The following ZFPM1 variants were observed in gnomAD, a reference collection of about 807,000 sequenced individuals.
The protein encoded by ZFPM1 is zinc finger protein ZFPM1.
In ZFPM1, 28 loss-of-function variants were observed where a neutral mutation model predicts 46.3. The ratio of observed to expected loss-of-function variants is 0.60; its 90% CI spans 0.45 to 0.83. ZFPM1 has a LOEUF of 0.83. Among genes scored for constraint, ZFPM1 ranks in the 40% least tolerant of loss-of-function variants. The probability of loss-of-function intolerance (pLI) is 0.00; values close to 1 mark genes in which losing one functional copy is unlikely to be tolerated. For missense variants in ZFPM1, 1,878 were observed against 1,432.4 expected, an observed-to-expected ratio of 1.31 and a Z score of -5.02; for synonymous variants, 957 against 675.9, an observed-to-expected ratio of 1.42 and a Z score of -6.45.
chr16:88,479,478 A>C (rs1908829920), intron 1 of ZFPM1, among the ~76,000 whole-genome samples: 1 of 152,030 alleles, frequency 6.6e-6, no homozygotes, highest in South Asian at 2.1e-4. Flanking sequence ...CCCCAGACCC[A>C]GCCTGGGCCC....
intron 2 of ZFPM1, among the ~76,000 whole-genome samples, chr16:88,487,117 T>C (rs1042765494): frequency 6.6e-6 from 1 of 152,150 alleles, no homozygotes; most frequent in Admixed American, 6.5e-5. Flanking sequence ...TAACCTGCCA[T>C]AAGGAGGCCT....
At chr16:88,532,965 C>T in intron 9 of ZFPM1, 30 bp downstream of exon 9, 1 of 1,611,328 alleles carries the variant, frequency 6.2e-7, no homozygotes, top group Non-Finnish European at 8.5e-7. Flanking sequence ...CCACCCCTGC[C>T]CCTTAGGCCC....
chr16:88,518,486 G>A (rs1159975375), intron 4 of ZFPM1, among the ~76,000 whole-genome samples: 1 of 151,820 alleles, frequency 6.6e-6, no homozygotes, highest in African/African-American at 2.4e-5. Flanking sequence ...TGGGTAGATG[G>A]ACAGATGTGT....
At position 88,514,466 on chromosome 16, in the gene ZFPM1, C is replaced by T; in HGVS notation, c.348C>T (p.Gly116=). The change falls in exon 4 of 10, where the codon GGC becomes GGT. Residue 116 remains glycine (G), a synonymous_variant. Transcript: ENST00000319555. Reference sequence around the variant, plus strand: ...GCCTCGCCACGGGCCTGTCCTGGGGCCCGTTCCATGGGAGTGTCCAGACCA... The same window carrying T: ...GCCTCGCCACGGGCCTGTCCTGGGGTCCGTTCCATGGGAGTGTCCAGACCA... ...RLSLATGLSW[G]PFHGSVQTRA... 1.9e-6 allele frequency: 3 copies of T among 1,562,316 alleles called. No homozygotes were observed. Among genetic ancestry groups the T allele is most frequent in the Non-Finnish European group, 2.6e-6 (3 of 1,153,722 alleles).
chr16:88,531,871 G>T (rs1313741579), intron 6 of ZFPM1, 131 bp from the exon 7 acceptor site: 1 of 843,256 alleles, frequency 1.2e-6, no homozygotes, highest in Non-Finnish European at 1.8e-6. Context: ...ACAGGAAGGG[G>T]TCAAAGCCTC....
intron 1 of ZFPM1, among the ~76,000 whole-genome samples, chr16:88,456,133 C>G (rs879627): frequency 0.44 from 66,476 of 152,154 alleles, 14,716 homozygotes; most frequent in South Asian, 0.55. Flanking sequence ...AGTTTTCTCC[C>G]CAAACACACT....
At chr16:88,458,187 C>A (rs1171147996) in intron 1 of ZFPM1, among the ~76,000 whole-genome samples, 1 of 152,210 alleles carries the variant, frequency 6.6e-6, no homozygotes, top group Admixed American at 6.5e-5. Context: ...GTGAGCACCG[C>A]GCTGCCTTCT....
rs368463331 is a variant in ZFPM1 at position 88,471,263 on chromosome 16, C to T, written c.41-14676C>T. 5.3e-5 allele frequency among the ~76,000 whole-genome samples: 8 copies of T among 152,364 alleles called. No homozygotes were observed. The East Asian group carries it at 9.6e-4, about 18-fold the overall frequency. On this transcript the variant is annotated intron_variant, in intron 1 of 9. Coordinates refer to ENST00000319555, the MANE Select transcript of ZFPM1 (RefSeq NM_153813.3). This position sits in a 1 kb window ranked among gnomAD's most constrained non-coding sequence, Gnocchi z 4.1. ...CCAGCTGACCCTCCAGGGCTGCAGC[C>T]ATGTGTGACCTCCACCCTCGCGAAG... is the stretch of plus-strand genomic sequence containing the variant.
At chr16:88,461,365 G>A (rs1031805533) in intron 1 of ZFPM1, among the ~76,000 whole-genome samples, 2 of 152,130 alleles carry the variant, frequency 1.3e-5, no homozygotes, top group Non-Finnish European at 2.9e-5. Flanking sequence ...CACCTGGGCT[G>A]CACCCTCAGG....
intron 1 of ZFPM1, among the ~76,000 whole-genome samples, chr16:88,460,244 C>G (rs2142338883): frequency 1.3e-5 from 2 of 152,164 alleles, no homozygotes; most frequent in East Asian, 3.9e-4. Context: ...GCGAGAGGCC[C>G]AGGGTTTATC....
At position 88,534,331 on chromosome 16, in the gene ZFPM1, C is replaced by T; in HGVS notation, c.2373C>T (p.Ala791=). 4 of 1,362,282 alleles carry T rather than the reference C, an allele frequency of 2.9e-6. No homozygotes were observed. Among genetic ancestry groups the T allele is most frequent in the Non-Finnish European group, 3.8e-6 (4 of 1,058,466 alleles). The allele number at this position is 1,362,282 out of a possible 1,614,324, so 84.4% of individuals were successfully genotyped here. A position where few individuals can be genotyped will look rare whatever the true frequency, so the allele number is the denominator to read the frequency against. ...CTGCGCGCTCGCCCGGCCCCGCGGC[C>T]GACGGCCCCATCGACCTGAGCAAGA... The part of the protein sequence containing the change: ...LAPARSPGPA[A]DGPIDLSKKP... The change falls in exon 10 of 10, where the codon GCC becomes GCT. Residue 791 remains alanine, a synonymous_variant. Transcript: ENST00000319555.
At chr16:88,519,371 G>T in intron 4 of ZFPM1, among the ~76,000 whole-genome samples, 1 of 150,990 alleles carries the variant, frequency 6.6e-6, no homozygotes. Context: ...ATGAATGGAT[G>T]GATAGATGGA....
At chr16:88,531,586 C>T (rs993967909) in intron 6 of ZFPM1, among the ~76,000 whole-genome samples, 2 of 152,334 alleles carry the variant, frequency 1.3e-5, no homozygotes, top group South Asian at 2.1e-4. Flanking sequence ...GGCACTCCCA[C>T]GCACCTGCAC....
rs576746040 is a variant in ZFPM1, at chr16:88,472,214, G to C, written c.41-13725G>C. Among the ~76,000 whole-genome samples, 288 of 151,730 alleles carry C rather than the reference G, an allele frequency of 1.9e-3. 3 individuals are homozygous for C. Among genetic ancestry groups the C allele is most frequent in the African/African-American group, 6.7e-3 (276 of 40,990 alleles). On this transcript the variant is annotated intron_variant, in intron 1 of 9. Coordinates refer to ENST00000319555, the MANE Select transcript of ZFPM1 (RefSeq NM_153813.3). ...GGAGGCACGGTGGTGGGCAGGGCAGGTGCCCACAGGGTGGGGCACACAGGC... is the reference window on the plus strand; with the variant it reads ...GGAGGCACGGTGGTGGGCAGGGCAGCTGCCCACAGGGTGGGGCACACAGGC...
rs1911168048 is a variant in ZFPM1 at position 88,514,508 on chromosome 16, G to A, written c.390G>A (p.Arg130=). ...TCCAGACCAGAGCCTCATCCCCCAGGCAGGCGGAGCCGGTAAGAAGCCCCC... is the reference window on the plus strand; with the variant it reads ...TCCAGACCAGAGCCTCATCCCCCAGACAGGCGGAGCCGGTAAGAAGCCCCC... ...GSVQTRASSP[R]QAEPSPALTL... Residue 130 remains arginine, a synonymous_variant, in exon 4 of 10, where the codon AGG becomes AGA. Transcript: ENST00000319555. The A allele has an allele frequency of 1.3e-6, 2 of 1,560,890 alleles. No individual in the cohort carries two copies. Among genetic ancestry groups the A allele is most frequent in the African/African-American group, 1.4e-5 (1 of 73,734 alleles).
At chr16:88,516,472 G>T in intron 4 of ZFPM1, 1 of 398,366 alleles carries the variant, frequency 2.5e-6, no homozygotes, top group East Asian at 3.6e-5. Flanking sequence ...TGGGGAGCCC[G>T]GGGAGGAAGG....
intron 1 of ZFPM1, among the ~76,000 whole-genome samples, chr16:88,457,784 C>G (rs1907622868): frequency 6.6e-6 from 1 of 152,134 alleles, no homozygotes; most frequent in Non-Finnish European, 1.5e-5. Context: ...AGGCACCGCA[C>G]CTGCCCTCAA....
intron 4 of ZFPM1, among the ~76,000 whole-genome samples, chr16:88,519,799 G>A (rs1218760140): frequency 1.3e-5 from 2 of 151,580 alleles, no homozygotes; most frequent in Non-Finnish European, 2.9e-5. Context: ...GTGGGTGGGT[G>A]GATGATGGAC....
At chr16:88,489,313 G>C (rs935201905) in intron 3 of ZFPM1, 160 bp downstream of exon 3, 29 of 1,192,490 alleles carry the variant, frequency 2.4e-5, no homozygotes, top group Non-Finnish European at 3.2e-5. Context: ...AACCCGTGCA[G>C]CTGGTGGTAT....
Sources: gnomAD v4.1 joint callset for allele counts (sites outside exome capture counted in the v4.1 genomes callset) on GRCh38, gnomAD v4.1.1 for gene constraint, Gnocchi (gnomAD v3.1) non-coding constraint, MANE v1.5 for transcripts, NCBI Gene and HGNC (gene_info 2026-07-23, HGNC 2026-07-21) for gene names.